Variants in ANKRD17 observed in about 807,000 individuals in gnomAD.
ANKRD17 encodes the protein ankyrin repeat domain-containing protein 17.
A neutral mutation model predicts 229.7 loss-of-function variants in ANKRD17; 19 were observed. That is an observed-to-expected ratio of 0.08 (90% CI 0.06 to 0.12). ANKRD17 has a LOEUF of 0.12. Ranked by LOEUF, ANKRD17 falls within the 10% of genes least tolerant of loss-of-function variation. The pLI is 1.00. For missense variants in ANKRD17, 2,176 were observed against 3,176.8 expected, an observed-to-expected ratio of 0.68 and a Z score of 7.57; for synonymous variants, 1,112 against 1,146.1, an observed-to-expected ratio of 0.97 and a Z score of 0.60.
chr4:73,144,826 C>G lies in ANKRD17; in HGVS notation c.1876G>C (p.Glu626Gln), dbSNP rs746912529. The G allele has an allele frequency of 9.0e-6, 14 of 1,556,768 alleles. No individual in the cohort carries two copies. In the East Asian group the frequency reaches 3.2e-4, roughly 35 times the overall value. The part of the protein sequence containing the change: ...LLQAGADLEH[E>Q]SEGGRTPLMK... The stretch of plus-strand genomic sequence containing the variant: ...AAAGGAGTTCTTCCACCTTCAGATT[C>G]ATGTTCCTGTTTAAAAAAAAAAAAA... The change falls in exon 11 of 34, where the codon GAA (glutamate) becomes CAA (glutamine). Residue 626 changes from glutamate to glutamine, a missense_variant. Transcript: ENST00000358602.
At chr4:73,134,583 C>T (rs188611325) in intron 16 of ANKRD17, among the ~76,000 whole-genome samples, 94 of 152,220 alleles carry the variant, frequency 6.2e-4, no homozygotes, top group Non-Finnish European at 8.4e-4. Flanking sequence ...ACAGTGTCCT[C>T]CCCCCACTCC....
At position 73,091,236 on chromosome 4, in the gene ANKRD17, G is replaced by C; in HGVS notation, c.6392C>G (p.Pro2131Arg). The change falls in exon 29 of 34, where the codon CCG (proline) becomes CGG (arginine). Residue 2131 changes from proline (P) to arginine (R), a missense_variant. By Grantham distance (103) the Pro-to-Arg change is moderately radical. Around this residue, in one of 18 missense-constraint regions of ANKRD17, gnomAD observed 424 missense variants for 454.0 expected, o/e 0.93. Transcript: ENST00000358602. ...PPLQQSQVPP[P>R]EVRMTVPPLA... ...AGGAGGAACAGTCATTCTAACTTCC[G>C]GGGGAGGAACCTGAGACTGCTGAAG... The C allele has an allele frequency of 1.9e-6, 3 of 1,614,202 alleles. No homozygotes were observed. Among genetic ancestry groups the C allele is most frequent in the Non-Finnish European group, 2.5e-6 (3 of 1,180,042 alleles).
At chr4:73,093,095 C>T (rs1183536902) in intron 28 of ANKRD17, among the ~76,000 whole-genome samples, 2 of 152,182 alleles carry the variant, frequency 1.3e-5, no homozygotes, top group Non-Finnish European at 2.9e-5. Context: ...GAGATGGCTA[C>T]TTGCTTTCTT....
At chr4:73,167,721 T>C (rs752339081) in intron 2 of ANKRD17, among the ~76,000 whole-genome samples, 19 of 152,214 alleles carry the variant, frequency 1.2e-4, no homozygotes, top group Admixed American at 4.6e-4. Context: ...TCTGTACAAA[T>C]AGTTTTCTTT....
At chr4:73,214,339 C>T (rs1442597053) in intron 1 of ANKRD17, among the ~76,000 whole-genome samples, 1 of 152,118 alleles carries the variant, frequency 6.6e-6, no homozygotes, top group African/African-American at 2.4e-5. Flanking sequence ...TACTTTTACT[C>T]CCTTAATGAG....
intron 1 of ANKRD17, among the ~76,000 whole-genome samples, chr4:73,185,733 G>A (rs1016809165): frequency 6.6e-6 from 1 of 151,960 alleles, no homozygotes; most frequent in Non-Finnish European, 1.5e-5. Context: ...CTATCATTAT[G>A]GGATGAATTA....
At position 73,227,506 on chromosome 4, in the gene ANKRD17, T is replaced by G. The variant is rs537379484; in HGVS notation, c.393+30770A>C. 3.3e-5 allele frequency among the ~76,000 whole-genome samples: 5 copies of G among 152,280 alleles called. No homozygotes were observed. In the South Asian group the frequency reaches 1.0e-3, roughly 32 times the overall value. Reference sequence around the variant, plus strand: ...GTCTTCCCATTTATCTAAAATGGATTTCAATGGCACAAGACTTTTCATTAT... The same window carrying G: ...GTCTTCCCATTTATCTAAAATGGATGTCAATGGCACAAGACTTTTCATTAT... On this transcript the variant is annotated intron_variant, in intron 1 of 33. Transcript: ENST00000358602.
intron 1 of ANKRD17, among the ~76,000 whole-genome samples, chr4:73,240,581 T>C (rs1743929298): frequency 6.6e-6 from 1 of 151,912 alleles, no homozygotes; most frequent in Admixed American, 6.6e-5. Context: ...GCTATGATCA[T>C]GCCACTGCCC....
chr4:73,149,958 C>G (rs1044797283), intron 7 of ANKRD17, among the ~76,000 whole-genome samples: 10 of 152,170 alleles, frequency 6.6e-5, no homozygotes, highest in African/African-American at 1.9e-4. Context: ...TCAAGGCCCT[C>G]TTTTCCCTTC....
chr4:73,087,036 A>G (rs1237948996), intron 29 of ANKRD17, among the ~76,000 whole-genome samples: 1 of 144,078 alleles, frequency 6.9e-6, no homozygotes, highest in Non-Finnish European at 1.5e-5. Context: ...CAATTCTACA[A>G]TGAAGAGATC....
intron 23 of ANKRD17, among the ~76,000 whole-genome samples, chr4:73,115,293 G>A (rs190565003): frequency 1.5e-4 from 23 of 152,116 alleles, no homozygotes; most frequent in Admixed American, 6.5e-4. Context: ...TTTTTTTGTT[G>A]TTATTTTATT....
chr4:73,217,517 T>G (rs1161036789), intron 1 of ANKRD17, among the ~76,000 whole-genome samples: 1 of 146,996 alleles, frequency 6.8e-6, no homozygotes, highest in Non-Finnish European at 1.5e-5. Flanking sequence ...AATCCAAAAC[T>G]TTTTTTTTTT....
rs1433181096 is a variant in ANKRD17 at position 73,113,810 on chromosome 4, C to T, written c.4383G>A (p.Glu1461=). Residue 1461 remains glutamate, a synonymous_variant, in exon 24 of 34, where the codon GAG becomes GAA. Transcript: ENST00000358602. ...EANKNASILL[E]ELDLEKLREE... ...TTGTTACCTTTTCCAAGTCTAACTC[C>T]TCTAACAAAATGCTGGCGTTTTTGT... is the stretch of plus-strand genomic sequence containing the variant. 1.2e-6 allele frequency: 2 copies of T among 1,613,492 alleles called. No homozygotes were observed. Among genetic ancestry groups the T allele is most frequent in the Non-Finnish European group, 8.5e-7 (1 of 1,179,676 alleles).
intron 1 of ANKRD17, among the ~76,000 whole-genome samples, chr4:73,219,248 G>A (rs1381630638): frequency 6.6e-6 from 1 of 152,022 alleles, no homozygotes; most frequent in Non-Finnish European, 1.5e-5. Flanking sequence ...TGTCACCATG[G>A]TTACTTTAGA....
intron 19 of ANKRD17, among the ~76,000 whole-genome samples, chr4:73,121,402 A>G (rs1170713695): frequency 6.6e-6 from 1 of 152,216 alleles, no homozygotes; most frequent in African/African-American, 2.4e-5. Flanking sequence ...AGATGTTTAC[A>G]TTTAGTATCA....
At chr4:73,076,839 T>G (rs1001826626) in intron 33 of ANKRD17, 101 bp downstream of exon 33, 1 of 1,375,436 alleles carries the variant, frequency 7.3e-7, no homozygotes, top group Non-Finnish European at 9.8e-7. Context: ...ACTGCCCATA[T>G]TCACCAAACT....
At position 73,134,831 on chromosome 4, in the gene ANKRD17, T is replaced by A. The variant is rs545344701; in HGVS notation, c.3234+286A>T. Among the ~76,000 whole-genome samples the A allele has an allele frequency of 1.5e-3, 229 of 152,304 alleles. 1 individual carries two copies. Among genetic ancestry groups the A allele is most frequent in the Non-Finnish European group, 2.1e-4 (14 of 68,016 alleles). On this transcript the variant is annotated intron_variant, in intron 16 of 33. Coordinates refer to ENST00000358602, the MANE Select transcript of ANKRD17 (RefSeq NM_032217.5). ...ATTAATTTATTATTAGAAGAAGTTA[T>A]GCACTAATCTTAAATAAATTATTTT...
chr4:73,150,064 C>CAT (rs1280091225), intron 7 of ANKRD17, among the ~76,000 whole-genome samples: 3 of 152,102 alleles, frequency 2.0e-5, no homozygotes, highest in African/African-American at 7.2e-5. Context: ...ATGCTTGTCA[C>CAT]ATTACACAAT....
chr4:73,084,994 A>G (rs1390559579), intron 30 of ANKRD17, among the ~76,000 whole-genome samples: 1 of 152,168 alleles, frequency 6.6e-6, no homozygotes, highest in Non-Finnish European at 1.5e-5. Context: ...CAGCGAGGGC[A>G]ACACAGTGAG....
Sources: gnomAD v4.1 joint callset for allele counts (sites outside exome capture counted in the v4.1 genomes callset) on GRCh38, gnomAD v4.1.1 for gene constraint, gnomAD v4.1.1 regional missense constraint, MANE v1.5 for transcripts, NCBI Gene and HGNC (gene_info 2026-07-23, HGNC 2026-07-21) for gene names.